The following DLG2 variants were observed in gnomAD, a reference collection of about 807,000 sequenced individuals.
DLG2 encodes disks large homolog 2.
In DLG2, 45 loss-of-function variants were observed where a neutral mutation model predicts 132.5. The ratio of observed to expected loss-of-function variants is 0.34; its 90% CI spans 0.27 to 0.44. DLG2 has a LOEUF of 0.44. Among genes scored for constraint, DLG2 ranks in the 20% least tolerant of loss-of-function variants. DLG2 has a pLI of 1.00. For missense variants in DLG2, 1,045 were observed against 1,196.9 expected (o/e 0.87, Z 1.87); for synonymous variants, 424 against 419.6 (o/e 1.01, Z -0.13).
chr11:85,142,766 C>T (rs1228794202), intron 5 of DLG2, among the ~76,000 whole-genome samples: 1 of 151,604 alleles, frequency 6.6e-6, no homozygotes, highest in Non-Finnish European at 1.5e-5. Context: ...GCATTTTTGT[C>T]ACGAAGAGAT....
chr11:84,059,214 G>T, intron 11 of DLG2, 101 bp downstream of exon 11: 2 of 1,177,292 alleles, frequency 1.7e-6, no homozygotes, highest in East Asian at 2.5e-5. Context: ...GGTAAGCACT[G>T]AATGTCAGAG....
chr11:83,788,240 ACGCTTAAATTCCACAT>A (rs1323438152), intron 17 of DLG2, among the ~76,000 whole-genome samples: 15 of 152,336 alleles, frequency 9.8e-5, no homozygotes, highest in African/African-American at 3.6e-4. Context: ...GGACATCCAT[ACGCTTAAATTCCACAT>A]CATGATCCTC....
At chr11:84,050,062 A>G (rs1046743257) in intron 11 of DLG2, among the ~76,000 whole-genome samples, 39 of 151,920 alleles carry the variant, frequency 2.6e-4, no homozygotes, top group African/African-American at 9.2e-4. Context: ...AATGAAGAAG[A>G]GAAGACTGAA....
chr11:83,996,345 A>G (rs1252519617), intron 11 of DLG2, among the ~76,000 whole-genome samples: 1 of 152,276 alleles, frequency 6.6e-6, no homozygotes, highest in South Asian at 2.1e-4. Flanking sequence ...GGGATATGGG[A>G]AAAAGGTAAC....
chr11:85,035,694 T>TA (rs2061380992), intron 6 of DLG2, among the ~76,000 whole-genome samples: 1 of 152,188 alleles, frequency 6.6e-6, no homozygotes, highest in Admixed American at 6.5e-5. Flanking sequence ...ATACTATCTT[T>TA]AGTAATTTAC....
At chr11:83,484,933 C>A (rs1246544994) in intron 21 of DLG2, among the ~76,000 whole-genome samples, 1 of 152,090 alleles carries the variant, frequency 6.6e-6, no homozygotes, top group Non-Finnish European at 1.5e-5. Flanking sequence ...CCCAAGCCCT[C>A]ATTTTATAGA....
intron 11 of DLG2, among the ~76,000 whole-genome samples, chr11:84,042,362 T>C (rs962301002): frequency 1.3e-5 from 2 of 151,864 alleles, no homozygotes; most frequent in Non-Finnish European, 1.5e-5. Flanking sequence ...TGGATCTCTC[T>C]CATTATTGTT....
intron 6 of DLG2, among the ~76,000 whole-genome samples, chr11:84,830,987 T>TCC (rs1406388279): frequency 8.9e-6 from 1 of 111,790 alleles, no homozygotes; most frequent in Non-Finnish European, 1.7e-5. Flanking sequence ...CTATTTCTTT[T>TCC]CCCCCCATAT....
chr11:84,700,861 G>A (rs2059151479), intron 6 of DLG2, among the ~76,000 whole-genome samples: 1 of 151,510 alleles, frequency 6.6e-6, no homozygotes, highest in Admixed American at 6.6e-5. Context: ...CTGACTTCTT[G>A]CCCAACCTTG....
At chr11:83,816,130 G>A (rs544160759) in intron 17 of DLG2, among the ~76,000 whole-genome samples, 15 of 152,200 alleles carry the variant, frequency 9.9e-5, no homozygotes, top group African/African-American at 3.4e-4. Context: ...TTATAAAAAT[G>A]CAGCAACTAG....
intron 7 of DLG2, among the ~76,000 whole-genome samples, chr11:84,275,893 G>A (rs574994679): frequency 6.4e-4 from 97 of 152,306 alleles, no homozygotes; most frequent in African/African-American, 2.3e-3. Context: ...CTTTGCTAGA[G>A]TCTGTTGTTA....
At chr11:85,116,465 T>A (rs2073599345) in intron 5 of DLG2, among the ~76,000 whole-genome samples, 1 of 152,120 alleles carries the variant, frequency 6.6e-6, no homozygotes, top group South Asian at 2.1e-4. Context: ...TTATGCATCA[T>A]CCACATAATG....
intron 6 of DLG2, among the ~76,000 whole-genome samples, chr11:84,736,751 T>C (rs1195964669): frequency 6.6e-6 from 1 of 152,000 alleles, no homozygotes; most frequent in Admixed American, 6.6e-5. Context: ...TTCTGCAACA[T>C]TGCTAAACTC....
chr11:84,330,448 T>C (rs771721581), intron 7 of DLG2, among the ~76,000 whole-genome samples: 8 of 152,302 alleles, frequency 5.3e-5, no homozygotes, highest in Non-Finnish European at 7.4e-5. Context: ...ATTTAAGATA[T>C]AGAAATAGGT....
chr11:84,385,173 A>T (rs2098764591), intron 7 of DLG2, among the ~76,000 whole-genome samples: 2 of 152,086 alleles, frequency 1.3e-5, no homozygotes, highest in South Asian at 4.1e-4. Flanking sequence ...AAATTCGCGA[A>T]TCTAACACTC....
intron 22 of DLG2, among the ~76,000 whole-genome samples, chr11:83,475,999 T>A (rs2136901646): frequency 6.6e-6 from 1 of 152,224 alleles, no homozygotes; most frequent in Middle Eastern, 3.4e-3. Context: ...CAAAACACTA[T>A]GTGTTTAAAC....
At chr11:85,122,679 T>A (rs540872307) in intron 5 of DLG2, among the ~76,000 whole-genome samples, 1 of 152,074 alleles carries the variant, frequency 6.6e-6, no homozygotes, top group East Asian at 1.9e-4. Flanking sequence ...ACACGGGGAC[T>A]AAGATCCTGC....
chr11:85,029,650 TACCTA>T (rs527830578), intron 6 of DLG2, among the ~76,000 whole-genome samples: 46 of 152,310 alleles, frequency 3.0e-4, no homozygotes, highest in African/African-American at 1.1e-3. Context: ...GCTGCCTCCT[TACCTA>T]TCTTAAATTC....
chr11:84,922,532 G>C (rs955263313), intron 6 of DLG2, among the ~76,000 whole-genome samples: 1 of 152,124 alleles, frequency 6.6e-6, no homozygotes, highest in East Asian at 1.9e-4. Context: ...GAAGCAACCA[G>C]CCCACCCAGA....
Sources: allele counts gnomAD v4.1 joint callset (sites outside exome capture counted in the v4.1 genomes callset), GRCh38; gene constraint gnomAD v4.1.1; transcripts MANE v1.5; gene names NCBI Gene and HGNC (gene_info 2026-07-23, HGNC 2026-07-21).